Variants in HS3ST4 observed in about 807,000 individuals in gnomAD.
HS3ST4 encodes the protein heparan sulfate-glucosamine 3-sulfotransferase 4.
Under a neutral mutation model 29.2 loss-of-function variants are expected in HS3ST4, and 17 were observed. The observed-to-expected ratio is 0.58, with a 90% CI of 0.40 to 0.87. HS3ST4 has a LOEUF of 0.87. Among genes scored for constraint, HS3ST4 ranks in the 40% least tolerant of loss-of-function variants. The probability of loss-of-function intolerance (pLI) is 0.00; values close to 1 mark genes in which losing one functional copy is unlikely to be tolerated. For synonymous variants in HS3ST4, 314 were observed against 285.7 expected (o/e 1.10, Z -1.00); for missense variants, 627 against 634.5 (o/e 0.99, Z 0.13).
intron 1 of HS3ST4, chr16:25,826,196 GC>G (rs1163675935): frequency 1.3e-5 from 2 of 152,160 alleles, no homozygotes; most frequent in Non-Finnish European, 2.9e-5. Context: ...TGTAGAAATG[GC>G]CTTTTTTCTG....
At chr16:26,061,537 T>C (rs2141771248) in intron 1 of HS3ST4, among the ~76,000 whole-genome samples, 1 of 152,342 alleles carries the variant, frequency 6.6e-6, no homozygotes, top group East Asian at 1.9e-4. Context: ...GGCCAGAAGC[T>C]GTGGAACTTG....
intron 1 of HS3ST4, among the ~76,000 whole-genome samples, chr16:25,712,174 C>T (rs1020008057): frequency 1.3e-5 from 2 of 151,812 alleles, no homozygotes; most frequent in Non-Finnish European, 2.9e-5. Flanking sequence ...GAAAAAAAAC[C>T]CCAAATTTTG....
In HS3ST4 at chr16:25,881,749, C is replaced by T. The variant is rs189435688; in HGVS notation, c.734+188598C>T. On this transcript the variant is annotated intron_variant, in intron 1 of 1. Coordinates refer to ENST00000331351, the MANE Select transcript of HS3ST4 (RefSeq NM_006040.3). ...TCATTCTCTGTTGGTGTAGGACTGG[C>T]CAGAATGGAGGGGACAGGAATCAGA... Among the ~76,000 whole-genome samples the T allele has an allele frequency of 2.9e-4, 44 of 152,134 alleles. 1 individual carries two copies. The East Asian group carries it at 7.4e-3, about 25-fold the overall frequency.
chr16:26,007,540 G>A lies in HS3ST4; in HGVS notation c.735-128072G>A, dbSNP rs778517993. ...AAGGAACACTATCTGAAAGTGTCCC[G>A]GAATTCAGTACTTATTGCTGCTCCC... On this transcript the variant is annotated intron_variant, in intron 1 of 1. Coordinates refer to ENST00000331351, the MANE Select transcript of HS3ST4 (RefSeq NM_006040.3). Among the ~76,000 whole-genome samples, 28 of 152,190 alleles carry A rather than the reference G, an allele frequency of 1.8e-4. No homozygotes were observed. The East Asian group carries it at 2.7e-3, about 15-fold the overall frequency.
chr16:25,972,499 G>A (rs1968907803), intron 1 of HS3ST4, among the ~76,000 whole-genome samples: 1 of 152,198 alleles, frequency 6.6e-6, no homozygotes, highest in Non-Finnish European at 1.5e-5. Context: ...GTTGGACTAA[G>A]GGTCTCAGTT....
chr16:25,873,905 A>ATC lies in HS3ST4; in HGVS notation c.734+180758_734+180759dup, dbSNP rs1461816557. Among the ~76,000 whole-genome samples, 11 of 152,246 alleles carry ATC rather than the reference A, an allele frequency of 7.2e-5. No individual in the cohort carries two copies. The East Asian group carries it at 2.1e-3, about 29-fold the overall frequency. ...TTTCCTCTTTAAGGGTCATGTGGAC[A>ATC]TCTCTTTAAAAGCCAGGTTTGACAG... On this transcript the variant is annotated intron_variant, in intron 1 of 1. Coordinates refer to ENST00000331351, the MANE Select transcript of HS3ST4 (RefSeq NM_006040.3).
chr16:26,058,261 C>T (rs1898432974), intron 1 of HS3ST4, among the ~76,000 whole-genome samples: 3 of 152,216 alleles, frequency 2.0e-5, no homozygotes, highest in Admixed American at 1.3e-4. Flanking sequence ...GTTATTTGTG[C>T]AGTATCTGGG....
chr16:25,884,897 CTGACTTTTTG>C (rs1967934007), intron 1 of HS3ST4, among the ~76,000 whole-genome samples: 1 of 152,120 alleles, frequency 6.6e-6, no homozygotes, highest in African/African-American at 2.4e-5. Flanking sequence ...TTTGTAGATT[CTGACTTTTTG>C]TTTACCCCTT....
chr16:26,102,621 C>A (rs1482785144), intron 1 of HS3ST4, among the ~76,000 whole-genome samples: 4 of 152,150 alleles, frequency 2.6e-5, no homozygotes, highest in Non-Finnish European at 5.9e-5. Context: ...CCCCTCCATC[C>A]CACAATTGCC....
intron 1 of HS3ST4, among the ~76,000 whole-genome samples, chr16:25,789,010 A>G (rs1052335590): frequency 2.6e-5 from 4 of 152,124 alleles, no homozygotes; most frequent in African/African-American, 9.7e-5. Context: ...TTTGGGTTAT[A>G]TGTGCATTTC....
chr16:25,695,081 G>T (rs921408698), intron 1 of HS3ST4, among the ~76,000 whole-genome samples: 1 of 152,138 alleles, frequency 6.6e-6, no homozygotes, highest in Admixed American at 6.6e-5. Context: ...CTTGTTTGAC[G>T]TGGCTCCTGA....
intron 1 of HS3ST4, among the ~76,000 whole-genome samples, chr16:26,131,382 A>G (rs1330888983): frequency 2.0e-5 from 3 of 152,202 alleles, no homozygotes; most frequent in African/African-American, 4.8e-5. Flanking sequence ...TCCATGGCCC[A>G]TAAGGCCCTC....
chr16:25,906,128 G>A (rs138116936), intron 1 of HS3ST4, among the ~76,000 whole-genome samples: 99 of 152,170 alleles, frequency 6.5e-4, no homozygotes, highest in African/African-American at 2.2e-3. Context: ...GAATCTTGAA[G>A]CCTGAGAGGC....
intron 1 of HS3ST4, among the ~76,000 whole-genome samples, chr16:25,868,354 C>A (rs150790883): frequency 6.6e-6 from 1 of 152,112 alleles, no homozygotes; most frequent in African/African-American, 2.4e-5. Context: ...CCGGATGCAA[C>A]AGCAGGCATC....
chr16:25,938,013 A>C (rs1968533911), intron 1 of HS3ST4, among the ~76,000 whole-genome samples: 1 of 152,154 alleles, frequency 6.6e-6, no homozygotes, highest in Admixed American at 6.5e-5. Context: ...TTTCTGGGGC[A>C]ACCAGAAATC....
chr16:25,853,548 G>A (rs1295112521), intron 1 of HS3ST4, among the ~76,000 whole-genome samples: 1 of 152,054 alleles, frequency 6.6e-6, no homozygotes, highest in Non-Finnish European at 1.5e-5. Flanking sequence ...TGTCATATAT[G>A]ACCTTTAGTA....
At chr16:26,106,152 A>G (rs969685619) in intron 1 of HS3ST4, among the ~76,000 whole-genome samples, 14 of 152,220 alleles carry the variant, frequency 9.2e-5, no homozygotes, top group Non-Finnish European at 1.9e-4. Context: ...AAGCCTATTC[A>G]TAACAGACTC....
intron 1 of HS3ST4, among the ~76,000 whole-genome samples, chr16:26,058,913 A>G (rs1898443253): frequency 1.3e-5 from 2 of 152,160 alleles, no homozygotes; most frequent in South Asian, 4.2e-4. Context: ...AGGAAGGATG[A>G]TTTTTCTGGC....
chr16:25,907,505 A>G (rs1184246074), intron 1 of HS3ST4, among the ~76,000 whole-genome samples: 2 of 152,184 alleles, frequency 1.3e-5, no homozygotes, highest in Non-Finnish European at 2.9e-5. Flanking sequence ...ATATAATCAA[A>G]TGCAGGGAGT....
Sources: allele counts gnomAD v4.1 joint callset (sites outside exome capture counted in the v4.1 genomes callset), GRCh38; gene constraint gnomAD v4.1.1; transcripts MANE v1.5; gene names NCBI Gene and HGNC (gene_info 2026-07-23, HGNC 2026-07-21).